NKAIN2: variants seen among roughly 807,000 people sequenced by gnomAD.
The protein encoded by NKAIN2 is sodium/potassium-transporting ATPase subunit beta-1-interacting protein 2.
In NKAIN2, 14 loss-of-function variants were observed where a neutral mutation model predicts 32.6. That is an observed-to-expected ratio of 0.43 (90% CI 0.28 to 0.67). The LOEUF (loss-of-function observed/expected upper bound fraction) is 0.67, where lower values mean the gene tolerates loss of function less well. Ranked by LOEUF, NKAIN2 falls within the 30% of genes least tolerant of loss-of-function variation. The probability of loss-of-function intolerance (pLI) is 0.17; values close to 1 mark genes in which losing one functional copy is unlikely to be tolerated. For synonymous variants in NKAIN2, 80 were observed against 87.2 expected, an observed-to-expected ratio of 0.92 and a Z score of 0.46; for missense variants, 198 against 258.3, an observed-to-expected ratio of 0.77 and a Z score of 1.60.
chr6:124,201,241 G>T (rs895736290), intron 1 of NKAIN2, among the ~76,000 whole-genome samples: 2 of 151,888 alleles, frequency 1.3e-5, no homozygotes, highest in African/African-American at 4.8e-5. Context: ...CATGTGGTGG[G>T]GGGGCGATGG....
At chr6:124,705,748 C>T (rs992248394) in intron 4 of NKAIN2, among the ~76,000 whole-genome samples, 1 of 151,804 alleles carries the variant, frequency 6.6e-6, no homozygotes, top group African/African-American at 2.4e-5. Flanking sequence ...ACTGTTAAAC[C>T]CTGAATTTTG....
chr6:124,433,883 G>A (rs1311503360), intron 3 of NKAIN2, among the ~76,000 whole-genome samples: 2 of 152,116 alleles, frequency 1.3e-5, no homozygotes, highest in Non-Finnish European at 2.9e-5. Flanking sequence ...ATTTGGGATT[G>A]TTTGTTTTTG....
chr6:124,786,540 C>CA (rs532285734), intron 4 of NKAIN2, among the ~76,000 whole-genome samples: 146 of 151,892 alleles, frequency 9.6e-4, no homozygotes, highest in African/African-American at 3.4e-3. Context: ...TCTGTGGATA[C>CA]AAAAAAGAAT....
intron 3 of NKAIN2, chr6:124,490,256 G>T: frequency 2.8e-6 from 1 of 359,640 alleles, no homozygotes; most frequent in Non-Finnish European, 5.4e-6. Context: ...ATTCCCTGTA[G>T]GGTATGTTAT....
chr6:124,451,016 T>A (rs72967849), intron 3 of NKAIN2, among the ~76,000 whole-genome samples: 87 of 152,220 alleles, frequency 5.7e-4, no homozygotes, highest in Middle Eastern at 6.8e-3. Context: ...GACTAAAACA[T>A]GCATCAATGA....
intron 4 of NKAIN2, among the ~76,000 whole-genome samples, chr6:124,668,412 A>G (rs907018088): frequency 6.6e-6 from 1 of 152,116 alleles, no homozygotes; most frequent in Non-Finnish European, 1.5e-5. Flanking sequence ...TTAGCTTATC[A>G]TCAACAACGT....
chr6:123,959,426 CAT>C (rs751773779), intron 1 of NKAIN2, among the ~76,000 whole-genome samples: 2 of 152,164 alleles, frequency 1.3e-5, no homozygotes, highest in East Asian at 1.9e-4. Context: ...AAGTGAGAAA[CAT>C]AGATTTAACA....
At chr6:124,637,119 C>T (rs1465451423) in intron 3 of NKAIN2, among the ~76,000 whole-genome samples, 2 of 151,944 alleles carry the variant, frequency 1.3e-5, no homozygotes, top group African/African-American at 4.8e-5. Flanking sequence ...ATTATATCAA[C>T]AGAAGTAAGG....
intron 3 of NKAIN2, among the ~76,000 whole-genome samples, chr6:124,565,973 G>A (rs976554778): frequency 6.6e-6 from 1 of 152,204 alleles, no homozygotes; most frequent in African/African-American, 2.4e-5. Flanking sequence ...GTGCTAAGCA[G>A]TAGGGCTTAT....
chr6:124,278,546 G>A (rs187281966), intron 1 of NKAIN2, among the ~76,000 whole-genome samples: 2,006 of 149,768 alleles, frequency 0.013, 20 homozygotes, highest in Admixed American at 0.041. Context: ...ATGGTGCAAC[G>A]AAAAGGGTAA....
chr6:124,737,251 G>T (rs536124942), intron 4 of NKAIN2, among the ~76,000 whole-genome samples: 5 of 151,848 alleles, frequency 3.3e-5, no homozygotes, highest in African/African-American at 9.6e-5. Context: ...TGAATCACAG[G>T]GATGGTTACC....
chr6:124,328,591 A>C (rs1261314289), intron 2 of NKAIN2, among the ~76,000 whole-genome samples: 1 of 152,230 alleles, frequency 6.6e-6, no homozygotes, highest in Non-Finnish European at 1.5e-5. Context: ...AGGATTGAGC[A>C]GACAAAATAT....
At chr6:124,011,936 A>G (rs1780349809) in intron 1 of NKAIN2, among the ~76,000 whole-genome samples, 1 of 152,200 alleles carries the variant, frequency 6.6e-6, no homozygotes, top group Admixed American at 6.5e-5. Flanking sequence ...TAAATAGGAC[A>G]GAATTCAAAT....
chr6:123,851,928 T>A (rs1775364484), intron 1 of NKAIN2, among the ~76,000 whole-genome samples: 1 of 152,140 alleles, frequency 6.6e-6, no homozygotes, highest in African/African-American at 2.4e-5. Context: ...TTATTTTTAT[T>A]TTTTTTGCTG....
At chr6:124,514,485 G>C (rs957781335) in intron 3 of NKAIN2, among the ~76,000 whole-genome samples, 18 of 152,256 alleles carry the variant, frequency 1.2e-4, no homozygotes, top group Middle Eastern at 6.8e-3. Context: ...TACTGAATTA[G>C]AATCTCTAGG....
intron 3 of NKAIN2, among the ~76,000 whole-genome samples, chr6:124,440,259 T>C (rs1775633614): frequency 6.6e-6 from 1 of 152,042 alleles, no homozygotes; most frequent in Non-Finnish European, 1.5e-5. Context: ...CTTCCTGCTT[T>C]ATATAGTAAG....
intron 1 of NKAIN2, among the ~76,000 whole-genome samples, chr6:124,162,140 A>C (rs1033872570): frequency 9.9e-5 from 15 of 152,226 alleles, no homozygotes; most frequent in Admixed American, 8.5e-4. Flanking sequence ...CAGGCAGGTC[A>C]GGTAGTTCTT....
intron 3 of NKAIN2, among the ~76,000 whole-genome samples, chr6:124,554,494 A>T (rs1296987328): frequency 6.6e-6 from 1 of 152,256 alleles, no homozygotes; most frequent in East Asian, 1.9e-4. Flanking sequence ...AGCATAGAAG[A>T]TGAAAAGAGC....
At chr6:124,626,181 C>G (rs903641893) in intron 3 of NKAIN2, among the ~76,000 whole-genome samples, 2 of 143,798 alleles carry the variant, frequency 1.4e-5, no homozygotes, top group Non-Finnish European at 3.0e-5. Flanking sequence ...TCTTTCTTTG[C>G]TTCTTGTATC....
Sources: allele counts gnomAD v4.1 joint callset (sites outside exome capture counted in the v4.1 genomes callset), GRCh38; gene constraint gnomAD v4.1.1; transcripts MANE v1.5; gene names NCBI Gene and HGNC (gene_info 2026-07-23, HGNC 2026-07-21).